CSMD3: variants seen among roughly 807,000 people sequenced by gnomAD.
The protein encoded by CSMD3 is CUB and sushi domain-containing protein 3.
CSMD3 carries 177 observed loss-of-function variants against 435.2 expected under a neutral mutation model. That is an observed-to-expected ratio of 0.41 (90% CI 0.36 to 0.46). The LOEUF is 0.46. Ranked by LOEUF, CSMD3 falls within the 20% of genes least tolerant of loss-of-function variation. CSMD3 has a pLI of 0.34. For missense variants in CSMD3, 4,265 were observed against 4,504.6 expected, an observed-to-expected ratio of 0.95 and a Z score of 1.52; for synonymous variants, 1,656 against 1,520.5, an observed-to-expected ratio of 1.09 and a Z score of -2.07.
chr8:112,870,172 C>T (rs1283666773), intron 10 of CSMD3, among the ~76,000 whole-genome samples: 1 of 151,638 alleles, frequency 6.6e-6, no homozygotes. Flanking sequence ...GTCATGGAGG[C>T]CAACAATCAC....
intron 3 of CSMD3, among the ~76,000 whole-genome samples, chr8:113,248,348 T>C (rs1211581070): frequency 1.3e-5 from 2 of 150,704 alleles, no homozygotes; most frequent in African/African-American, 2.4e-5. Flanking sequence ...AAAAACTCTA[T>C]TGTATATAAC....
chr8:112,640,693 A>G (rs1586866061), intron 20 of CSMD3, among the ~76,000 whole-genome samples: 1 of 152,112 alleles, frequency 6.6e-6, no homozygotes, highest in Admixed American at 6.6e-5. Flanking sequence ...ATAGTATAAA[A>G]TCAGTATTGA....
At chr8:112,351,295 T>C (rs771246901) in intron 39 of CSMD3, 51 bp from the exon 40 acceptor site, 21 of 1,186,564 alleles carry the variant, frequency 1.8e-5, no homozygotes, top group Admixed American at 1.4e-4. Flanking sequence ...AAAGTTTAAA[T>C]TTATTGTAGC....
At chr8:112,891,674 C>T (rs906738383) in intron 10 of CSMD3, among the ~76,000 whole-genome samples, 2 of 151,468 alleles carry the variant, frequency 1.3e-5, no homozygotes, top group Non-Finnish European at 3.0e-5. Flanking sequence ...GGTTGTATGA[C>T]ATTTTCAGAC....
chr8:112,550,973 T>C, intron 26 of CSMD3, 100 bp from the exon 27 acceptor site: 5 of 797,554 alleles, frequency 6.3e-6, no homozygotes, highest in Non-Finnish European at 1.1e-5. Flanking sequence ...AGATAGTTCT[T>C]TTTTGCTATG....
At chr8:112,900,240 T>TTG (rs1429439124) in intron 10 of CSMD3, among the ~76,000 whole-genome samples, 1 of 151,280 alleles carries the variant, frequency 6.6e-6, no homozygotes, top group East Asian at 2.0e-4. Context: ...CATTGGTCTC[T>TTG]TGTGTGTATA....
chr8:113,061,230 T>G (rs957880836), intron 5 of CSMD3, among the ~76,000 whole-genome samples: 1 of 152,134 alleles, frequency 6.6e-6, no homozygotes, highest in African/African-American at 2.4e-5. Context: ...ACTCTTGTGT[T>G]TTGGAAGGTA....
Position 112,350,803 on chromosome 8 carries a change from T to C in CSMD3, c.6325+372A>G, listed in dbSNP as rs191563936. ...GTCATACTCCTTTTGCTAGACACTT[T>C]AGATTCTTTATCTATTCCCGCTCAA... is the stretch of plus-strand genomic sequence containing the variant. On this transcript the variant is annotated intron_variant, in intron 40 of 70. Transcript: ENST00000297405. Among the ~76,000 whole-genome samples the C allele has an allele frequency of 1.2e-3, 186 of 152,210 alleles. 2 individuals carry two copies. Among genetic ancestry groups the C allele is most frequent in the Non-Finnish European group, 1.3e-4 (9 of 67,956 alleles).
intron 41 of CSMD3, among the ~76,000 whole-genome samples, chr8:112,343,001 TTA>T (rs34740069): frequency 1.5e-4 from 16 of 109,674 alleles, no homozygotes; most frequent in African/African-American, 4.9e-4. Flanking sequence ...ATATATATAT[TTA>T]TATATATATA....
rs2094390990 is a variant in CSMD3 at position 113,377,179 on chromosome 8, C to T, written c.178+59498G>A. The T allele has an allele frequency of 8.3e-6, 10 of 1,206,382 alleles. No homozygotes were observed. In the South Asian group the frequency reaches 1.6e-4, roughly 19 times the overall value. 74.7% of individuals were successfully genotyped at this position (1,206,382 alleles called of 1,614,324 possible). ...CGCCCCGGAAACCCTGCAAACCCTA[C>T]ATCCGCTCCAATGGCCGGAAGTTCG... On this transcript the variant is annotated intron_variant, in intron 1 of 70. Transcript: ENST00000297405.
intron 9 of CSMD3, among the ~76,000 whole-genome samples, chr8:112,939,058 G>T (rs1011712241): frequency 6.6e-6 from 1 of 152,010 alleles, no homozygotes; most frequent in Non-Finnish European, 1.5e-5. Context: ...AATTCAATAG[G>T]TATGGGAAAA....
intron 1 of CSMD3, among the ~76,000 whole-genome samples, chr8:113,381,320 A>C (rs1467935630): frequency 1.3e-5 from 2 of 152,208 alleles, no homozygotes; most frequent in African/African-American, 2.4e-5. Context: ...TATATGAAGA[A>C]GAAATTAATG....
intron 10 of CSMD3, among the ~76,000 whole-genome samples, chr8:112,898,533 A>T (rs2082015014): frequency 1.3e-5 from 2 of 151,182 alleles, no homozygotes; most frequent in South Asian, 4.1e-4. Context: ...TATAATTTGA[A>T]TGATAGAGTT....
intron 23 of CSMD3, among the ~76,000 whole-genome samples, chr8:112,586,802 A>T (rs1174888615): frequency 1.3e-5 from 2 of 151,286 alleles, no homozygotes. Flanking sequence ...TTATTTTGGT[A>T]TTATTAAGAC....
chr8:113,420,202 C>T (rs933688012), intron 1 of CSMD3, among the ~76,000 whole-genome samples: 1 of 151,904 alleles, frequency 6.6e-6, no homozygotes, highest in African/African-American at 2.4e-5. Context: ...AAATGAAAAG[C>T]CTTGCCCCAC....
chr8:113,185,950 C>T lies in CSMD3; in HGVS notation c.515-12034G>A, dbSNP rs370151659. On this transcript the variant is annotated intron_variant, in intron 3 of 70. Transcript: ENST00000297405. Reference sequence around the variant, plus strand: ...GGACTTCCCACCAGGGAATCTGCCCCGTATCTGTCAGCACCCTCTGTCTCT... The same window carrying T: ...GGACTTCCCACCAGGGAATCTGCCCTGTATCTGTCAGCACCCTCTGTCTCT... Among the ~76,000 whole-genome samples, 10 of 152,096 alleles carry T rather than the reference C, an allele frequency of 6.6e-5. 1 individual carries two copies. In the South Asian group the frequency reaches 1.0e-3, roughly 16 times the overall value.
At chr8:112,429,162 T>G (rs772404402) in intron 32 of CSMD3, among the ~76,000 whole-genome samples, 1 of 152,040 alleles carries the variant, frequency 6.6e-6, no homozygotes, top group Non-Finnish European at 1.5e-5. Flanking sequence ...AACTAAAATT[T>G]TGTATCCTTT....
At chr8:112,498,631 G>C (rs1228499517) in intron 30 of CSMD3, among the ~76,000 whole-genome samples, 1 of 152,086 alleles carries the variant, frequency 6.6e-6, no homozygotes, top group Non-Finnish European at 1.5e-5. Flanking sequence ...TTTTATCGTA[G>C]TGATATTTGG....
chr8:112,790,426 A>C (rs1409464958), intron 13 of CSMD3, among the ~76,000 whole-genome samples: 2 of 152,072 alleles, frequency 1.3e-5, no homozygotes, highest in Non-Finnish European at 2.9e-5. Context: ...AAAAAAAAAA[A>C]ATCAGTTCCT....
Sources: allele counts gnomAD v4.1 joint callset (sites outside exome capture counted in the v4.1 genomes callset), GRCh38; gene constraint gnomAD v4.1.1; transcripts MANE v1.5; gene names NCBI Gene and HGNC (gene_info 2026-07-23, HGNC 2026-07-21).